Variants in EXOC6B observed in about 807,000 individuals in gnomAD.
EXOC6B encodes SEC15 homolog B.
In EXOC6B, 54 loss-of-function variants were observed where a neutral mutation model predicts 113.5. That is an observed-to-expected ratio of 0.48 (90% CI 0.38 to 0.60). EXOC6B has a LOEUF of 0.60. Among genes scored for constraint, EXOC6B ranks in the 20% least tolerant of loss-of-function variants. The pLI, the probability that EXOC6B is intolerant of heterozygous loss-of-function variation, is 0.00. For synonymous variants in EXOC6B, 357 were observed against 339.0 expected, an observed-to-expected ratio of 1.05 and a Z score of -0.58; for missense variants, 797 against 977.5, an observed-to-expected ratio of 0.82 and a Z score of 2.46.
chr2:72,620,156 A>G (rs2104175126), intron 6 of EXOC6B, among the ~76,000 whole-genome samples: 1 of 152,310 alleles, frequency 6.6e-6, no homozygotes, highest in East Asian at 1.9e-4. Context: ...CCAAAGGGAT[A>G]TGGGCAGCCT....
At chr2:72,668,950 G>A (rs920715271) in intron 6 of EXOC6B, among the ~76,000 whole-genome samples, 12 of 152,128 alleles carry the variant, frequency 7.9e-5, no homozygotes, top group Non-Finnish European at 1.5e-4. Context: ...TGCTGGGTGT[G>A]GTGGCATGCA....
intron 18 of EXOC6B, among the ~76,000 whole-genome samples, chr2:72,453,073 C>T (rs1208238369): frequency 6.6e-6 from 1 of 152,070 alleles, no homozygotes; most frequent in Non-Finnish European, 1.5e-5. Flanking sequence ...AACTAGTTTA[C>T]TGTAGCAAAA....
intron 18 of EXOC6B, among the ~76,000 whole-genome samples, chr2:72,460,491 G>A (rs1276492028): frequency 4.6e-5 from 7 of 151,786 alleles, no homozygotes; most frequent in Admixed American, 3.9e-4. Flanking sequence ...AATCTACAAT[G>A]AACTCAAACA....
In EXOC6B at chr2:72,227,330, G is replaced by T. The variant is rs144591320; in HGVS notation, c.2197-43143C>A. On this transcript the variant is annotated intron_variant, in intron 20 of 21. Transcript: ENST00000272427. ...AAAACCGGTCCAGTAAAAACTATCAGGTGAAAAAGCATTAATAGGAATAAA... is the reference window on the plus strand; with the variant it reads ...AAAACCGGTCCAGTAAAAACTATCATGTGAAAAAGCATTAATAGGAATAAA... Among the ~76,000 whole-genome samples the T allele has an allele frequency of 3.7e-4, 56 of 152,060 alleles. 1 individual carries two copies. The East Asian group carries it at 8.1e-3, about 22-fold the overall frequency.
At chr2:72,364,873 CA>C (rs1312480946) in intron 19 of EXOC6B, among the ~76,000 whole-genome samples, 2 of 152,114 alleles carry the variant, frequency 1.3e-5, no homozygotes, top group African/African-American at 4.8e-5. Flanking sequence ...TTGCCTACAC[CA>C]AAGCCCTTTC....
At chr2:72,246,399 T>C (rs1419178767) in intron 20 of EXOC6B, among the ~76,000 whole-genome samples, 4 of 152,218 alleles carry the variant, frequency 2.6e-5, no homozygotes, top group South Asian at 2.1e-4. Context: ...ATAGTTTTCA[T>C]TGTTATATGT....
intron 1 of EXOC6B, among the ~76,000 whole-genome samples, chr2:72,787,526 T>C (rs980351345): frequency 6.6e-6 from 1 of 152,116 alleles, no homozygotes; most frequent in East Asian, 1.9e-4. Context: ...CTTTTTCTTT[T>C]TTTTTCCTTC....
At chr2:72,459,556 C>T (rs1242246978) in intron 18 of EXOC6B, among the ~76,000 whole-genome samples, 1 of 152,000 alleles carries the variant, frequency 6.6e-6, no homozygotes, top group Non-Finnish European at 1.5e-5. Context: ...TCTTATACAC[C>T]AATAACAGAC....
At chr2:72,774,842 G>A (rs1334381775) in intron 1 of EXOC6B, among the ~76,000 whole-genome samples, 1 of 152,082 alleles carries the variant, frequency 6.6e-6, no homozygotes, top group African/African-American at 2.4e-5. Flanking sequence ...CAAACTAAGT[G>A]CCCAGATGTC....
intron 8 of EXOC6B, among the ~76,000 whole-genome samples, chr2:72,519,957 CTCTT>C (rs912718139): frequency 6.6e-5 from 10 of 152,174 alleles, no homozygotes; most frequent in Non-Finnish European, 5.9e-5. Flanking sequence ...AAATGTGTGG[CTCTT>C]TCTGATAACT....
At chr2:72,675,012 A>G (rs1676188101) in intron 6 of EXOC6B, among the ~76,000 whole-genome samples, 2 of 152,322 alleles carry the variant, frequency 1.3e-5, no homozygotes, top group Non-Finnish European at 2.9e-5. Context: ...GGCTAATACT[A>G]AACTTTGATG....
intron 18 of EXOC6B, among the ~76,000 whole-genome samples, chr2:72,407,923 T>C (rs1693892907): frequency 6.6e-6 from 1 of 152,168 alleles, no homozygotes; most frequent in Non-Finnish European, 1.5e-5. Context: ...GGAAGTCAAA[T>C]TGTCCCTGTT....
intron 18 of EXOC6B, among the ~76,000 whole-genome samples, chr2:72,403,973 T>G (rs1693539912): frequency 6.6e-6 from 1 of 151,840 alleles, no homozygotes; most frequent in Non-Finnish European, 1.5e-5. Context: ...AAGAAAGGGG[T>G]GACAGACGGC....
At chr2:72,189,830 G>A (rs41404) in intron 20 of EXOC6B, among the ~76,000 whole-genome samples, 9 of 92,220 alleles carry the variant, frequency 9.8e-5, no homozygotes, top group South Asian at 6.7e-4. Flanking sequence ...CATTCTCTCT[G>A]TCTCTCTCTC....
intron 11 of EXOC6B, among the ~76,000 whole-genome samples, chr2:72,511,880 A>C (rs1201074362): frequency 6.6e-6 from 1 of 152,110 alleles, no homozygotes; most frequent in Non-Finnish European, 1.5e-5. Flanking sequence ...AAGAGAGTTC[A>C]TGGGTCATGG....
intron 18 of EXOC6B, among the ~76,000 whole-genome samples, chr2:72,456,584 G>C (rs1027958816): frequency 6.6e-6 from 1 of 152,096 alleles, no homozygotes; most frequent in Non-Finnish European, 1.5e-5. Flanking sequence ...AAATAAATTT[G>C]TTTAAATCCT....
chr2:72,809,177 A>G (rs1685741224), intron 1 of EXOC6B, among the ~76,000 whole-genome samples: 1 of 152,166 alleles, frequency 6.6e-6, no homozygotes. Context: ...AACAGAAACA[A>G]AAAAGGAAAG....
At chr2:72,289,785 G>A (rs1367396003) in intron 20 of EXOC6B, among the ~76,000 whole-genome samples, 1 of 152,124 alleles carries the variant, frequency 6.6e-6, no homozygotes, top group African/African-American at 2.4e-5. Flanking sequence ...AGTACCTGTA[G>A]TCCCTGAGGC....
At chr2:72,534,909 C>T (rs1473854481) in intron 8 of EXOC6B, among the ~76,000 whole-genome samples, 1 of 151,968 alleles carries the variant, frequency 6.6e-6, no homozygotes, top group Non-Finnish European at 1.5e-5. Context: ...TTCTTTTTTC[C>T]AGGAATGGAT....
Sources: gnomAD v4.1 joint callset for allele counts (sites outside exome capture counted in the v4.1 genomes callset) on GRCh38, gnomAD v4.1.1 for gene constraint, MANE v1.5 for transcripts, NCBI Gene and HGNC (gene_info 2026-07-23, HGNC 2026-07-21) for gene names.